PLAGL1: variants seen among roughly 807,000 people sequenced by gnomAD.
PLAGL1 encodes the protein PLAG1 like zinc finger 1.
In PLAGL1, 1 loss-of-function variant was observed where a neutral mutation model predicts 4.6. The ratio of observed to expected loss-of-function variants is 0.22; its 90% confidence interval spans 0.08 to 1.03. The LOEUF is 1.03. Among genes scored for constraint, PLAGL1 ranks in the 50% least tolerant of loss-of-function variants. The pLI, the probability that PLAGL1 is intolerant of heterozygous loss-of-function variation, is 0.58. For missense variants in PLAGL1, 464 were observed against 570.4 expected (o/e 0.81, Z 1.90); for synonymous variants, 240 against 237.8 (o/e 1.01, Z -0.08).
chr6:143,993,483 G>T (rs573712463), intron 1 of PLAGL1, among the ~76,000 whole-genome samples: 2 of 151,832 alleles, frequency 1.3e-5, no homozygotes, highest in Non-Finnish European at 2.9e-5. Flanking sequence ...GTGAGGAGAC[G>T]GCAGACATTT....
chr6:143,997,543 T>C lies in PLAGL1; in HGVS notation c.-584+10547A>G, dbSNP rs1051748345. ...CAAAAGAGTACATCCTGTTTGGTTA[T>C]ACTTAAAATTCAAGAATAGACAAAA... On this transcript the variant is annotated intron_variant, in intron 1 of 7. Coordinates refer to ENST00000674357, the MANE Select transcript of PLAGL1 (RefSeq NM_001317162.2). The surrounding 1 kb of genome is among the most constrained non-coding windows in gnomAD (Gnocchi z 4.6). Among the ~76,000 whole-genome samples, 1 of 152,162 alleles carries C rather than the reference T, an allele frequency of 6.6e-6. No homozygotes were observed. Among genetic ancestry groups the C allele is most frequent in the Non-Finnish European group, 1.5e-5 (1 of 68,040 alleles).
rs1791420662 is a variant in PLAGL1, at chr6:143,995,457, A to T, written c.-583-10283T>A. ...GAGGAATAAGTTAAGCCAAGGAAAC[A>T]TGATTCTAAACTACATAATTTAAAC... On this transcript the variant is annotated intron_variant, in intron 1 of 7. Coordinates refer to ENST00000674357, the MANE Select transcript of PLAGL1 (RefSeq NM_001317162.2). The surrounding 1 kb of genome is among the most constrained non-coding windows in gnomAD (Gnocchi z 4.4). Among the ~76,000 whole-genome samples, 1 of 152,200 alleles carries T rather than the reference A, an allele frequency of 6.6e-6. No individual in the cohort carries two copies. Among genetic ancestry groups the T allele is most frequent in the Non-Finnish European group, 1.5e-5 (1 of 68,020 alleles).
chr6:143,967,743 A>C (rs184997693), intron 3 of PLAGL1: 7 of 152,216 alleles, frequency 4.6e-5, no homozygotes, highest in African/African-American at 1.7e-4. Context: ...GTAGTGGACT[A>C]GTTTTAATTA....
upstream of PLAGL1, among the ~76,000 whole-genome samples, chr6:144,011,752 A>C (rs919225614): frequency 5.3e-5 from 8 of 152,166 alleles, no homozygotes; most frequent in African/African-American, 1.9e-4. The surrounding 1 kb of genome is among the most constrained non-coding windows in gnomAD (Gnocchi z 4.3). Flanking sequence ...AGCTTGCTGG[A>C]GGAACTCAAC....
chr6:144,025,885 T>G (rs1796308109), intron 1 of PLAGL1, among the ~76,000 whole-genome samples: 2 of 152,102 alleles, frequency 1.3e-5, no homozygotes, highest in South Asian at 4.1e-4. Context: ...AGAGCAAGAC[T>G]CCATCTCAAA....
At chr6:144,049,558 C>T (rs2128723350) in intron 1 of PLAGL1, among the ~76,000 whole-genome samples, 1 of 152,276 alleles carries the variant, frequency 6.6e-6, no homozygotes, top group East Asian at 1.9e-4. Context: ...CACATGGAAG[C>T]AGGGGAAGAG....
At chr6:143,976,285 CTTT>C (rs58569870) in intron 2 of PLAGL1, among the ~76,000 whole-genome samples, 2 of 113,254 alleles carry the variant, frequency 1.8e-5, no homozygotes, top group Non-Finnish European at 3.5e-5. Flanking sequence ...GATTTCTTTT[CTTT>C]TTTTTTTTTT....
In PLAGL1 at chr6:144,056,159, T is replaced by C. The variant is rs1405071578; in HGVS notation, c.-151+8309A>G. 7.0e-6 allele frequency among the ~76,000 whole-genome samples: 1 copy of C among 143,814 alleles called. No individual in the cohort carries two copies. Among genetic ancestry groups the C allele is most frequent in the Non-Finnish European group, 1.5e-5 (1 of 65,440 alleles). The allele number at this position is 143,814 out of a possible 152,430, so 94.3% of individuals were successfully genotyped here. The stretch of plus-strand genomic sequence containing the variant: ...CCGCTGCTTTATATCTTTTAACACA[T>C]TCGCTTTTTTAAAAAAGCCTATTTT... On this transcript the variant is annotated intron_variant, in intron 1 of 3. Coordinates refer to the PLAGL1 transcript ENST00000437412. The surrounding 1 kb of genome is among the most constrained non-coding windows in gnomAD (Gnocchi z 4.7).
Position 144,006,054 on chromosome 6 carries a change from A to G in PLAGL1, c.-584+2036T>C, listed in dbSNP as rs1249438780. Reference sequence around the variant, plus strand: ...ACTTTTGGGAAAGCAAACACACCAAATGATGTTTTCTCCTAAATGCTTTTT... The same window carrying G: ...ACTTTTGGGAAAGCAAACACACCAAGTGATGTTTTCTCCTAAATGCTTTTT... On this transcript the variant is annotated intron_variant, in intron 1 of 7. Coordinates refer to ENST00000674357, the MANE Select transcript of PLAGL1 (RefSeq NM_001317162.2). The surrounding 1 kb of genome is among the most constrained non-coding windows in gnomAD (Gnocchi z 4.3). 2 of 152,182 alleles carry G rather than the reference A, an allele frequency of 1.3e-5. No homozygotes were observed. The highest frequency in any genetic ancestry group is 2.9e-5 in the Non-Finnish European group (2 of 68,030). 9.4% of individuals were successfully genotyped at this position (152,182 alleles called of 1,614,324 possible). A position where few individuals can be genotyped will look rare whatever the true frequency, so the allele number is the denominator to read the frequency against.
At chr6:143,967,303 G>A (rs879912613) in intron 3 of PLAGL1, 18 of 152,158 alleles carry the variant, frequency 1.2e-4, no homozygotes, top group Admixed American at 2.6e-4. Context: ...GTGAATAAGT[G>A]TTAGGGCCAA....
Position 144,036,993 on chromosome 6 carries a change from G to C in PLAGL1, c.-151+27475C>G. On this transcript the variant is annotated intron_variant, in intron 1 of 3. Transcript: ENST00000437412. This position sits in a 1 kb window ranked among gnomAD's most constrained non-coding sequence, Gnocchi z 5.1. ...CACATGGAAAGGAAAACTAAAGGTA[G>C]TATCTTAAATCTTTCCTTCGCACAG... The C allele has an allele frequency of 5.8e-6, 1 of 172,322 alleles. No individual in the cohort carries two copies. The highest frequency in any genetic ancestry group is 1.3e-4 in the South Asian group (1 of 7,836). The allele number at this position is 172,322 out of a possible 1,614,324, so 10.7% of individuals were successfully genotyped here. A position where few individuals can be genotyped will look rare whatever the true frequency, so the allele number is the denominator to read the frequency against.
chr6:144,036,430 C>T lies in PLAGL1; in HGVS notation c.-151+28038G>A, dbSNP rs1405309729. Among the ~76,000 whole-genome samples, 1 of 152,138 alleles carries T rather than the reference C, an allele frequency of 6.6e-6. No homozygotes were observed. The highest frequency in any genetic ancestry group is 1.5e-5 in the Non-Finnish European group (1 of 68,012). ...GTACCAAAGGGGCACATGCTCCACA[C>T]CAAATGGGCAAAAATTCCACAGCCG... is the stretch of plus-strand genomic sequence containing the variant. On this transcript the variant is annotated intron_variant, in intron 1 of 3. Transcript: ENST00000437412. This position sits in a 1 kb window ranked among gnomAD's most constrained non-coding sequence, Gnocchi z 5.1.
chr6:144,045,000 C>CTTTTTTTTTTT (rs138373370), intron 1 of PLAGL1, among the ~76,000 whole-genome samples: 2 of 47,336 alleles, frequency 4.2e-5, no homozygotes, highest in Admixed American at 2.1e-4. Flanking sequence ...GCAACCCCTG[C>CTTTTTTTTTTT]TTTTTTTTTT....
Position 144,059,451 on chromosome 6 carries a change from C to T in PLAGL1, c.-151+5017G>A, listed in dbSNP as rs902518270. On this transcript the variant is annotated intron_variant, in intron 1 of 3. Transcript: ENST00000437412. The surrounding 1 kb of genome is among the most constrained non-coding windows in gnomAD (Gnocchi z 4.9). ...GGGGCCTTTGTGTCTGTTAACAAAG[C>T]ATCAAAGTCCTCTCCAGATACCTCC... Among the ~76,000 whole-genome samples, 3 of 152,234 alleles carry T rather than the reference C, an allele frequency of 2.0e-5. No individual in the cohort carries two copies. Among genetic ancestry groups the T allele is most frequent in the Non-Finnish European group, 2.9e-5 (2 of 68,048 alleles).
chr6:143,946,013 G>A (rs765855083), intron 7 of PLAGL1, among the ~76,000 whole-genome samples: 1 of 151,538 alleles, frequency 6.6e-6, no homozygotes, highest in African/African-American at 2.4e-5. Flanking sequence ...TTTCAGCGCA[G>A]TTTACCATAG....
At chr6:144,020,800 A>G (rs1795911974) in intron 1 of PLAGL1, among the ~76,000 whole-genome samples, 1 of 146,476 alleles carries the variant, frequency 6.8e-6, no homozygotes, top group Non-Finnish European at 1.5e-5. Context: ...ACAAACATAT[A>G]ACTATATATA....
intron 1 of PLAGL1, among the ~76,000 whole-genome samples, chr6:144,033,243 T>C (rs1199447589): frequency 6.6e-6 from 1 of 152,258 alleles, no homozygotes; most frequent in Non-Finnish European, 1.5e-5. Context: ...TGAGAGACGA[T>C]GTCAGAGCTA....
rs1788738389 is a variant in PLAGL1, at chr6:143,985,161, C to T, written c.-570G>A. 1 of 152,140 alleles carries T rather than the reference C, an allele frequency of 6.6e-6. No homozygotes were observed. The highest frequency in any genetic ancestry group is 6.6e-5 in the Admixed American group (1 of 15,262). 9.4% of individuals were successfully genotyped at this position (152,140 alleles called of 1,614,324 possible). A position where few individuals can be genotyped will look rare whatever the true frequency, so the allele number is the denominator to read the frequency against. On this transcript the variant is annotated 5_prime_UTR_variant, in exon 2 of 8. Transcript: ENST00000674357. This position sits in a 1 kb window ranked among gnomAD's most constrained non-coding sequence, Gnocchi z 4.4. ...AAAGCCAATCACGATGTTTATGAAT[C>T]AGGCAGGAACAATCTGCAAACAAAA...
rs576149232 is a variant in PLAGL1 at position 143,959,087 on chromosome 6, G to A, written c.-325+1382C>T. Among the ~76,000 whole-genome samples, 2 of 152,286 alleles carry A rather than the reference G, an allele frequency of 1.3e-5. No homozygotes were observed. Among genetic ancestry groups the A allele is most frequent in the South Asian group, 2.1e-4 (1 of 4,830 alleles). ...AGGCAGCTTTCATGTGCTGCTCTGC[G>A]CTCCCCGTCGCCCCGGAGGCCGGCA... On this transcript the variant is annotated intron_variant, in intron 6 of 7. Coordinates refer to ENST00000674357, the MANE Select transcript of PLAGL1 (RefSeq NM_001317162.2). This position sits in a 1 kb window ranked among gnomAD's most constrained non-coding sequence, Gnocchi z 5.3.
Sources: gnomAD v4.1 joint callset for allele counts (sites outside exome capture counted in the v4.1 genomes callset) on GRCh38, gnomAD v4.1.1 for gene constraint, Gnocchi (gnomAD v3.1) non-coding constraint, MANE v1.5 for transcripts, NCBI Gene and HGNC (gene_info 2026-07-23, HGNC 2026-07-21) for gene names.